The following SCPEP1 variants were observed in gnomAD, a reference collection of about 807,000 sequenced individuals.
SCPEP1 encodes retinoid-inducible serine carboxypeptidase.
SCPEP1 carries 51 observed loss-of-function variants against 63.8 expected under a neutral mutation model. The observed-to-expected ratio is 0.80, with a 90% CI of 0.64 to 1.01. The LOEUF is 1.01. Among genes scored for constraint, SCPEP1 ranks in the 50% least tolerant of loss-of-function variants. SCPEP1 has a pLI of 0.00. For missense variants in SCPEP1, 499 were observed against 554.9 expected, an observed-to-expected ratio of 0.90 and a Z score of 1.01; for synonymous variants, 204 against 207.8, an observed-to-expected ratio of 0.98 and a Z score of 0.16.
chr17:56,997,287 C>G (rs1469882938), intron 9 of SCPEP1, among the ~76,000 whole-genome samples: 1 of 152,172 alleles, frequency 6.6e-6, no homozygotes, highest in African/African-American at 2.4e-5. Flanking sequence ...GCAGACAGTT[C>G]TCATTCCCAC....
At chr17:56,987,226 A>G (rs1158428904) in intron 3 of SCPEP1, 1 of 152,842 alleles carries the variant, frequency 6.5e-6, no homozygotes, top group African/African-American at 2.4e-5. Context: ...ATTAGAATAA[A>G]TTCTGCTCTT....
At chr17:56,991,077 C>T (rs770490450) in intron 5 of SCPEP1, 22 bp from the exon 6 acceptor site, 13 of 1,596,448 alleles carry the variant, frequency 8.1e-6, no homozygotes, top group South Asian at 1.1e-5. Flanking sequence ...GGCCTGAGGA[C>T]GTTTCTTGTT....
At chr17:56,985,095 ACT>A (rs1231558971) in intron 2 of SCPEP1, 10 of 346,830 alleles carry the variant, frequency 2.9e-5, no homozygotes, top group Admixed American at 9.5e-5. Context: ...ACAAAGTTAG[ACT>A]CTGTCTGAAA....
intron 12 of SCPEP1, among the ~76,000 whole-genome samples, chr17:57,003,727 A>G (rs1344322132): frequency 2.6e-5 from 4 of 152,182 alleles, no homozygotes; most frequent in African/African-American, 9.7e-5. Flanking sequence ...GGAAGGGCTG[A>G]AACGTGAGTG....
At chr17:57,006,084 T>A (rs1911882440) in intron 12 of SCPEP1, 89 bp from the exon 13 acceptor site, 2 of 1,049,818 alleles carry the variant, frequency 1.9e-6, no homozygotes, top group Admixed American at 2.2e-5. Context: ...GCTGGCTCCC[T>A]TTTGGGAGCA....
chr17:56,999,976 C>CT (rs1911689457), intron 10 of SCPEP1, among the ~76,000 whole-genome samples: 1 of 135,066 alleles, frequency 7.4e-6, no homozygotes, highest in East Asian at 2.2e-4. Context: ...GAGTGAAACT[C>CT]TGTCTAAAAA....
rs768456536 is a variant in SCPEP1, at chr17:56,994,986, G to A, written c.625G>A (p.Val209Met). 7 of 1,613,176 alleles carry A rather than the reference G, an allele frequency of 4.3e-6. No homozygotes were observed. The African/African-American group carries it at 8.0e-5, about 18-fold the overall frequency. Residue 209 changes from valine to methionine, a missense_variant, in exon 7 of 13, where the codon GTG becomes ATG. Val to Met is a conservative substitution (Grantham distance 21, BLOSUM62 1). Transcript: ENST00000262288. Reference sequence around the variant, plus strand: ...ACATATGTGATTTCCTTTAGATTCGGTGCTCTCCTGGGGACCTTACCTGTA... The same window carrying A: ...ACATATGTGATTTCCTTTAGATTCGATGCTCTCCTGGGGACCTTACCTGTA... ...GDSWISPVDSVLSWGPYLYSM... is the reference protein window; with the variant it reads ...GDSWISPVDSMLSWGPYLYSM...
chr17:56,985,678 T>C (rs1286092133), intron 3 of SCPEP1, among the ~76,000 whole-genome samples: 1 of 152,134 alleles, frequency 6.6e-6, no homozygotes, highest in African/African-American at 2.4e-5. Context: ...CCAGTCTGCC[T>C]CGCCTTCTCC....
chr17:56,991,879 G>A (rs997878032), intron 6 of SCPEP1, among the ~76,000 whole-genome samples: 1 of 152,208 alleles, frequency 6.6e-6, no homozygotes, highest in African/African-American at 2.4e-5. Context: ...GGAGATGCTA[G>A]TAGCACCGCT....
At chr17:56,997,447 T>TTTGAAGTTTAGAAA (rs1159706887) in intron 9 of SCPEP1, among the ~76,000 whole-genome samples, 1 of 152,212 alleles carries the variant, frequency 6.6e-6, no homozygotes, top group Non-Finnish European at 1.5e-5. Context: ...GAAACCAGCT[T>TTTGAAGTTTAGAAA]CCATACACCA....
At position 56,980,839 on chromosome 17, in the gene SCPEP1, C is replaced by T. The variant is rs565280124; in HGVS notation, c.77-243C>T. Among the ~76,000 whole-genome samples, 30 of 147,358 alleles carry T rather than the reference C, an allele frequency of 2.0e-4. No individual in the cohort carries two copies. In the South Asian group the frequency reaches 4.2e-3, roughly 21 times the overall value. ...TGTTTCATATTTATTGTTAAAAATC[C>T]AAACATTACAGAAAAGTGTAGAGGA... On this transcript the variant is annotated intron_variant, in intron 1 of 12. Transcript: ENST00000262288.
chr17:56,998,491 C>T lies in SCPEP1; in HGVS notation c.987C>T (p.Ser329=). The T allele has an allele frequency of 6.2e-7, 1 of 1,612,058 alleles. No homozygotes were observed. The highest frequency in any genetic ancestry group is 8.5e-7 in the Non-Finnish European group (1 of 1,178,266). Residue 329 remains serine (S), a synonymous_variant, in exon 10 of 13, where the codon TCC becomes TCT. Transcript: ENST00000262288. Reference sequence around the variant, plus strand: ...TCAAAATTATTCCTGAGGATCAATCCTGGGGAGGTACTTATATGACCTAAT... The same window carrying T: ...TCAAAATTATTCCTGAGGATCAATCTTGGGGAGGTACTTATATGACCTAAT... The part of the protein sequence containing the change: ...KKLKIIPEDQ[S]WGGQATNVFV...
In SCPEP1 at chr17:56,978,223, G is replaced by A. The variant is rs1209171000; in HGVS notation, c.64G>A (p.Gly22Ser). 3.9e-6 allele frequency: 6 copies of A among 1,552,296 alleles called. No individual in the cohort carries two copies. In the African/African-American group the frequency reaches 4.1e-5, roughly 11 times the overall value. ...RWLLLLPLLL[G>S]LNAGAVIDWP... ...GTTGCTGCTGCTGCCGCTGCTGCTG[G>A]GCCTGAACGCAGGTAGGTTCAAGCA... is the stretch of plus-strand genomic sequence containing the variant. The change falls in exon 1 of 13, where the codon GGC becomes AGC. Residue 22 changes from glycine to serine, a missense_variant. Physicochemically the swap from Gly to Ser is moderately conservative, Grantham distance 56 (BLOSUM62 0). Transcript: ENST00000262288.
At chr17:56,996,878 G>C (rs1446156483) in intron 8 of SCPEP1, 84 bp from the exon 9 acceptor site, 1 of 821,374 alleles carries the variant, frequency 1.2e-6, no homozygotes, top group Middle Eastern at 2.4e-4. Context: ...CCTTGGATAA[G>C]ATAAAGAGCC....
intron 1 of SCPEP1, among the ~76,000 whole-genome samples, chr17:56,978,732 G>T (rs1361074069): frequency 1.3e-5 from 2 of 152,196 alleles, no homozygotes; most frequent in Admixed American, 6.5e-5. Flanking sequence ...AAACAGATTT[G>T]TGTTTAATAG....
At chr17:57,005,818 C>G (rs1404192118) in intron 12 of SCPEP1, among the ~76,000 whole-genome samples, 8 of 152,196 alleles carry the variant, frequency 5.3e-5, no homozygotes, top group African/African-American at 1.9e-4. Flanking sequence ...AGACAGATGC[C>G]TTTAAAATGT....
intron 6 of SCPEP1, among the ~76,000 whole-genome samples, chr17:56,993,639 G>T (rs1261307914): frequency 2.6e-5 from 4 of 152,148 alleles, no homozygotes; most frequent in African/African-American, 4.8e-5. Context: ...TAGAGATGGG[G>T]TTTCACCATG....
intron 12 of SCPEP1, among the ~76,000 whole-genome samples, chr17:57,004,175 G>A (rs1056803792): frequency 8.5e-5 from 13 of 152,290 alleles, no homozygotes; most frequent in African/African-American, 3.1e-4. Flanking sequence ...TCCAGCTGGC[G>A]AGATAGCGCC....
chr17:56,998,373 G>A lies in SCPEP1; in HGVS notation c.881-12G>A. 7 of 1,599,626 alleles carry A rather than the reference G, an allele frequency of 4.4e-6. No homozygotes were observed. Among genetic ancestry groups the A allele is most frequent in the Non-Finnish European group, 6.0e-6 (7 of 1,167,690 alleles). On this transcript the variant is annotated splice_polypyrimidine_tract_variant and intron_variant, in intron 9 of 12. Coordinates refer to ENST00000262288, the MANE Select transcript of SCPEP1 (RefSeq NM_021626.3). Reference sequence around the variant, plus strand: ...CAGCCCTTTGACTCACTATCTACCAGTTTGGTTTTAGTTTGTCTTTGTCAG... The same window carrying A: ...CAGCCCTTTGACTCACTATCTACCAATTTGGTTTTAGTTTGTCTTTGTCAG...
Sources: gnomAD v4.1 joint callset for allele counts (sites outside exome capture counted in the v4.1 genomes callset) on GRCh38, gnomAD v4.1.1 for gene constraint, MANE v1.5 for transcripts, NCBI Gene and HGNC (gene_info 2026-07-23, HGNC 2026-07-21) for gene names.